CHSY3: variants seen among roughly 807,000 people sequenced by gnomAD.
CHSY3 encodes N-acetylgalactosaminyl-proteoglycan 3-beta-glucuronosyltransferase 3.
In CHSY3, 35 loss-of-function variants were observed where a neutral mutation model predicts 67.2. That is an observed-to-expected ratio of 0.52 (90% CI 0.40 to 0.69). The LOEUF (loss-of-function observed/expected upper bound fraction) is 0.69, where lower values mean the gene tolerates loss of function less well. CHSY3 is among the 30% of genes least tolerant of loss of function. CHSY3 has a pLI of 0.00. For missense variants in CHSY3, 1,069 were observed against 1,138.5 expected, an observed-to-expected ratio of 0.94 and a Z score of 0.88; for synonymous variants, 474 against 434.7, an observed-to-expected ratio of 1.09 and a Z score of -1.12.
chr5:129,956,817 GT>G (rs2149604864), intron 2 of CHSY3, among the ~76,000 whole-genome samples: 1 of 151,940 alleles, frequency 6.6e-6, no homozygotes, highest in South Asian at 2.1e-4. Context: ...TGTTTCATTG[GT>G]CTATGTGTTT....
In CHSY3 at chr5:129,904,511, G is replaced by GCTCCTC. The variant is rs896021919; in HGVS notation, c.-307_-302dup. ...GAGCGGACGCGTTGCCGCCGCCGCTGCTCCTCCTCCTCCTCCTGCAGCTCC... is the reference window on the plus strand; with the variant it reads ...GAGCGGACGCGTTGCCGCCGCCGCTGCTCCTCCTCCTCCTCCTCCTCCTGCAGCTCC... On this transcript the variant is annotated 5_prime_UTR_variant, in exon 1 of 3. Coordinates refer to ENST00000305031, the MANE Select transcript of CHSY3 (RefSeq NM_175856.5). 7.6e-6 allele frequency: 2 copies of GCTCCTC among 263,512 alleles called. No individual in the cohort carries two copies. The highest frequency in any genetic ancestry group is 1.5e-4 in the East Asian group (2 of 12,966). 16.3% of individuals were successfully genotyped at this position (263,512 alleles called of 1,614,324 possible).
chr5:129,949,167 T>C (rs1761951507), intron 2 of CHSY3, among the ~76,000 whole-genome samples: 1 of 152,142 alleles, frequency 6.6e-6, no homozygotes, highest in South Asian at 2.1e-4. Context: ...CTTAATAAAT[T>C]AGATAGACAG....
intron 2 of CHSY3, among the ~76,000 whole-genome samples, chr5:130,081,718 C>A (rs1204022129): frequency 1.3e-5 from 2 of 152,040 alleles, no homozygotes; most frequent in African/African-American, 4.8e-5. Context: ...GCGCTCTTGC[C>A]TTCTACCATG....
At chr5:129,962,582 C>T (rs1307545025) in intron 2 of CHSY3, among the ~76,000 whole-genome samples, 1 of 151,970 alleles carries the variant, frequency 6.6e-6, no homozygotes, top group African/African-American at 2.4e-5. Flanking sequence ...AGACCACACT[C>T]CTTTCTGTAG....
At chr5:130,020,479 T>TTTTTTTC (rs1213734366) in intron 2 of CHSY3, among the ~76,000 whole-genome samples, 1 of 130,042 alleles carries the variant, frequency 7.7e-6, no homozygotes, top group African/African-American at 2.9e-5. Context: ...TTTTTTTTTT[T>TTTTTTTC]CCTCTGGCTC....
At chr5:129,942,681 T>C (rs1761733606) in intron 2 of CHSY3, among the ~76,000 whole-genome samples, 1 of 152,190 alleles carries the variant, frequency 6.6e-6, no homozygotes, top group African/African-American at 2.4e-5. Flanking sequence ...CTAATATTTC[T>C]AAAAGTTTTC....
chr5:130,109,069 A>G (rs887941300), intron 2 of CHSY3, among the ~76,000 whole-genome samples: 2 of 151,734 alleles, frequency 1.3e-5, no homozygotes, highest in African/African-American at 4.8e-5. Context: ...TTACATTTAC[A>G]GGCACATCAG....
At chr5:129,907,442 C>G (rs1370210422) in intron 1 of CHSY3, among the ~76,000 whole-genome samples, 1 of 152,180 alleles carries the variant, frequency 6.6e-6, no homozygotes, top group East Asian at 1.9e-4. Flanking sequence ...CCAAGTGCTT[C>G]TCAACTGTTT....
intron 2 of CHSY3, among the ~76,000 whole-genome samples, chr5:130,163,289 T>C (rs1769614556): frequency 6.6e-6 from 1 of 152,182 alleles, no homozygotes; most frequent in South Asian, 2.1e-4. Flanking sequence ...TAACCAAGAA[T>C]AAAGCACATT....
At chr5:129,948,771 C>T (rs1761940363) in intron 2 of CHSY3, among the ~76,000 whole-genome samples, 1 of 152,174 alleles carries the variant, frequency 6.6e-6, no homozygotes, top group Admixed American at 6.5e-5. Flanking sequence ...TATGGTTTTC[C>T]ATAGGGGTGC....
At chr5:129,951,718 T>C (rs945886560) in intron 2 of CHSY3, among the ~76,000 whole-genome samples, 1 of 152,194 alleles carries the variant, frequency 6.6e-6, no homozygotes, top group East Asian at 1.9e-4. Context: ...TTCATGTACA[T>C]AGAAGCGGTC....
rs1027722387 is a variant in CHSY3, at chr5:130,125,562, A to G, written c.1087-58667A>G. Among the ~76,000 whole-genome samples the G allele has an allele frequency of 4.6e-5, 7 of 152,234 alleles. No homozygotes were observed. The South Asian group carries it at 8.3e-4, about 18-fold the overall frequency. On this transcript the variant is annotated intron_variant, in intron 2 of 2. Coordinates refer to ENST00000305031, the MANE Select transcript of CHSY3 (RefSeq NM_175856.5). ...AGGGTTGGAAATGAAATGCTGAGCT[A>G]TACATGATAAAATTTCAGCATAGAG...
chr5:129,932,065 A>G (rs1302551371), intron 2 of CHSY3, among the ~76,000 whole-genome samples: 2 of 150,414 alleles, frequency 1.3e-5, no homozygotes, highest in Non-Finnish European at 1.5e-5. Flanking sequence ...ATATTTGTAT[A>G]TAAACAATAA....
intron 2 of CHSY3, among the ~76,000 whole-genome samples, chr5:130,110,286 T>A (rs1767550904): frequency 6.6e-6 from 1 of 151,916 alleles, no homozygotes; most frequent in Non-Finnish European, 1.5e-5. Context: ...GCTTTGCCTT[T>A]AGTCAAAATT....
rs1247552035 is a variant in CHSY3 at position 130,121,395 on chromosome 5, G to C, written c.1087-62834G>C. 2.0e-5 allele frequency among the ~76,000 whole-genome samples: 3 copies of C among 152,134 alleles called. No individual in the cohort carries two copies. In the East Asian group the frequency reaches 5.8e-4, roughly 29 times the overall value. The stretch of plus-strand genomic sequence containing the variant: ...AATGTATTTAGAGAAATGATGCCAA[G>C]TAAAGGTAAAATGTTGAAGAGTTGT... On this transcript the variant is annotated intron_variant, in intron 2 of 2. Transcript: ENST00000305031.
At chr5:129,925,552 A>G (rs570860980) in intron 2 of CHSY3, among the ~76,000 whole-genome samples, 252 of 152,282 alleles carry the variant, frequency 1.7e-3, no homozygotes, top group African/African-American at 5.6e-3. Flanking sequence ...GTTACCTTGC[A>G]TACTCATCAT....
At chr5:129,958,525 G>T (rs546159164) in intron 2 of CHSY3, among the ~76,000 whole-genome samples, 94 of 152,130 alleles carry the variant, frequency 6.2e-4, no homozygotes, top group African/African-American at 2.2e-3. Flanking sequence ...TTGTACAAAA[G>T]ATTTTGTAAC....
intron 2 of CHSY3, among the ~76,000 whole-genome samples, chr5:130,156,012 T>G (rs553078384): frequency 6.6e-6 from 1 of 152,354 alleles, no homozygotes; most frequent in South Asian, 2.1e-4. Flanking sequence ...TCAATAGATC[T>G]TATGGTATGA....
chr5:129,974,312 A>T (rs1184486937), intron 2 of CHSY3, among the ~76,000 whole-genome samples: 1 of 152,076 alleles, frequency 6.6e-6, no homozygotes, highest in Non-Finnish European at 1.5e-5. Context: ...GGATAACTCA[A>T]CTGACCCTTC....
Sources: gnomAD v4.1 joint callset for allele counts (sites outside exome capture counted in the v4.1 genomes callset) on GRCh38, gnomAD v4.1.1 for gene constraint, MANE v1.5 for transcripts, NCBI Gene and HGNC (gene_info 2026-07-23, HGNC 2026-07-21) for gene names.